PLEKHG1: variants seen among roughly 807,000 people sequenced by gnomAD.
PLEKHG1 encodes the protein pleckstrin homology and RhoGEF domain containing G1.
PLEKHG1 carries 44 observed loss-of-function variants against 100.8 expected under a neutral mutation model. That is an observed-to-expected ratio of 0.44 (90% CI 0.34 to 0.56). The LOEUF (loss-of-function observed/expected upper bound fraction) is 0.56, where lower values mean the gene tolerates loss of function less well. Among genes scored for constraint, PLEKHG1 ranks in the 20% least tolerant of loss-of-function variants. The probability of loss-of-function intolerance (pLI) is 0.01; values close to 1 mark genes in which losing one functional copy is unlikely to be tolerated. For synonymous variants in PLEKHG1, 640 were observed against 662.5 expected (o/e 0.97, Z 0.52); for missense variants, 1,545 against 1,720.9 (o/e 0.90, Z 1.81).
At chr6:150,779,170 G>A (rs1369969158) in intron 3 of PLEKHG1, among the ~76,000 whole-genome samples, 6 of 151,980 alleles carry the variant, frequency 3.9e-5, no homozygotes, top group Admixed American at 1.3e-4. Flanking sequence ...TGCCCTCCCA[G>A]CTCTGTGGTT....
chr6:150,613,402 TATG>T (rs10586408), intron 1 of PLEKHG1, among the ~76,000 whole-genome samples: 22,108 of 152,190 alleles, frequency 0.15, 1,656 homozygotes, highest in East Asian at 0.22. Flanking sequence ...TTTGTGTGGC[TATG>T]ATATTTCCAG....
At chr6:150,784,427 T>C (rs895749444) in intron 3 of PLEKHG1, among the ~76,000 whole-genome samples, 2 of 152,190 alleles carry the variant, frequency 1.3e-5, no homozygotes, top group Admixed American at 6.5e-5. Context: ...ACTGACATCA[T>C]TAGCCAAGTG....
At chr6:150,624,614 G>C (rs1325928216) in intron 1 of PLEKHG1, 1 of 152,152 alleles carries the variant, frequency 6.6e-6, no homozygotes, top group South Asian at 2.1e-4. Flanking sequence ...GTGGATTTCT[G>C]TTTGGATTAA....
At chr6:150,733,284 G>T (rs1161642496) in intron 1 of PLEKHG1, among the ~76,000 whole-genome samples, 2 of 152,112 alleles carry the variant, frequency 1.3e-5, no homozygotes, top group Admixed American at 1.3e-4. Flanking sequence ...GAGACAACAG[G>T]TCTAGTGTTT....
chr6:150,683,885 A>G lies in PLEKHG1; in HGVS notation c.-99+33099A>G. ...TATTGAAGGGGCCTGGGATGGAGGT[A>G]AGATGGAGCGATCCTATGGTTTGGC... On this transcript the variant is annotated intron_variant, in intron 3 of 3. Coordinates refer to the PLEKHG1 transcript ENST00000367326. This position sits in a 1 kb window ranked among gnomAD's most constrained non-coding sequence, Gnocchi z 4.0. 1.7e-6 allele frequency: 2 copies of G among 1,169,606 alleles called. No homozygotes were observed. Among genetic ancestry groups the G allele is most frequent in the South Asian group, 2.7e-5 (2 of 74,874 alleles). 72.5% of individuals were successfully genotyped at this position (1,169,606 alleles called of 1,614,324 possible).
At chr6:150,745,765 T>C (rs552134856) in intron 2 of PLEKHG1, among the ~76,000 whole-genome samples, 1 of 150,070 alleles carries the variant, frequency 6.7e-6, no homozygotes, top group African/African-American at 2.5e-5. Context: ...ATGACACATA[T>C]AGAAAAAAAG....
intron 5 of PLEKHG1, among the ~76,000 whole-genome samples, chr6:150,799,068 AT>A (rs1562528021): frequency 6.6e-6 from 1 of 151,712 alleles, no homozygotes; most frequent in African/African-American, 2.4e-5. Context: ...AAAAAAAAAA[AT>A]TGAGTCTGAC....
At chr6:150,835,385 G>A (rs1048908418) in intron 15 of PLEKHG1, among the ~76,000 whole-genome samples, 2 of 152,082 alleles carry the variant, frequency 1.3e-5, no homozygotes, top group Non-Finnish European at 2.9e-5. Context: ...GCTTTTGTCT[G>A]CATCTCGAGC....
At chr6:150,763,362 T>C (rs1283979492) in intron 2 of PLEKHG1, among the ~76,000 whole-genome samples, 1 of 152,148 alleles carries the variant, frequency 6.6e-6, no homozygotes, top group East Asian at 1.9e-4. Context: ...CACAATGTTC[T>C]GTAAGGGCAC....
At chr6:150,743,239 G>A (rs1259671927) in intron 2 of PLEKHG1, among the ~76,000 whole-genome samples, 3 of 152,192 alleles carry the variant, frequency 2.0e-5, no homozygotes, top group Non-Finnish European at 4.4e-5. Flanking sequence ...AAAGGAAGAG[G>A]CTGGGTGTGG....
chr6:150,736,025 A>G (rs1292366504), intron 2 of PLEKHG1, among the ~76,000 whole-genome samples: 1 of 152,196 alleles, frequency 6.6e-6, no homozygotes, highest in Non-Finnish European at 1.5e-5. Context: ...TGTGTTTTAC[A>G]CTAGGGGTTG....
chr6:150,603,095 A>AAAAAAC lies in PLEKHG1; in HGVS notation c.-204+3083_-204+3084insCAAAAA, dbSNP rs1776431678. On this transcript the variant is annotated intron_variant, in intron 1 of 3. Transcript: ENST00000367326. ...ACTCCGTCTCAAAAAAAAAAAAAAT[A>AAAAAAC]AAAAAAAAGAAAAGAAAAAATTATA... 2.4e-5 allele frequency among the ~76,000 whole-genome samples: 3 copies of AAAAAAC among 124,064 alleles called. No individual in the cohort carries two copies. The Admixed American group carries it at 2.5e-4, about 10-fold the overall frequency. 81.4% of individuals were successfully genotyped at this position (124,064 alleles called of 152,430 possible).
chr6:150,714,175 C>A (rs914232031), intron 3 of PLEKHG1, among the ~76,000 whole-genome samples: 5 of 152,246 alleles, frequency 3.3e-5, no homozygotes, highest in Non-Finnish European at 2.9e-5. Flanking sequence ...GTGCTGAGCA[C>A]AGCCAGTCCT....
intron 1 of PLEKHG1, among the ~76,000 whole-genome samples, chr6:150,611,838 A>G (rs1776844265): frequency 2.0e-5 from 3 of 151,926 alleles, no homozygotes; most frequent in Non-Finnish European, 2.9e-5. Context: ...GAAAGAAAAT[A>G]ATGACATTTC....
At chr6:150,786,802 A>G (rs1583129277) in intron 4 of PLEKHG1, among the ~76,000 whole-genome samples, 1 of 151,870 alleles carries the variant, frequency 6.6e-6, no homozygotes, top group Non-Finnish European at 1.5e-5. Flanking sequence ...AGCCGAGGTG[A>G]GTGGATCATC....
chr6:150,674,460 A>G (rs1779672236), intron 3 of PLEKHG1, among the ~76,000 whole-genome samples: 1 of 152,170 alleles, frequency 6.6e-6, no homozygotes, highest in Admixed American at 6.5e-5. Flanking sequence ...GCAATCAGGA[A>G]GTGATATAAA....
At chr6:150,809,695 A>T in exon 10 of PLEKHG1, 1 of 1,614,060 alleles carries the variant, frequency 6.2e-7, no homozygotes, top group Non-Finnish European at 8.5e-7. Context: ...ACCTAAAGAG[A>T]CTGATTCTGG....
chr6:150,682,270 C>A (rs1779961938), intron 3 of PLEKHG1, among the ~76,000 whole-genome samples: 1 of 152,158 alleles, frequency 6.6e-6, no homozygotes, highest in Non-Finnish European at 1.5e-5. Context: ...ACTAAAGCTG[C>A]TTACCAGGCC....
chr6:150,648,651 C>G (rs1778594332), intron 2 of PLEKHG1, among the ~76,000 whole-genome samples: 1 of 152,092 alleles, frequency 6.6e-6, no homozygotes, highest in South Asian at 2.1e-4. Context: ...TTCCTTTTCT[C>G]TCTTTGTACC....
Sources: gnomAD v4.1 joint callset for allele counts (sites outside exome capture counted in the v4.1 genomes callset) on GRCh38, gnomAD v4.1.1 for gene constraint, Gnocchi (gnomAD v3.1) non-coding constraint, MANE v1.5 for transcripts, NCBI Gene and HGNC (gene_info 2026-07-23, HGNC 2026-07-21) for gene names.